Variants in SEMA7A observed in about 807,000 individuals in gnomAD.
SEMA7A encodes semaphorin 7A (JohnMiltonHagen blood group).
In SEMA7A, 21 loss-of-function variants were observed where a neutral mutation model predicts 67.5. That is an observed-to-expected ratio of 0.31 (90% CI 0.22 to 0.45). The LOEUF is 0.45. Ranked by LOEUF, SEMA7A falls within the 20% of genes least tolerant of loss-of-function variation. The pLI is 1.00. For synonymous variants in SEMA7A, 364 were observed against 368.5 expected, an observed-to-expected ratio of 0.99 and a Z score of 0.14; for missense variants, 774 against 908.6, an observed-to-expected ratio of 0.85 and a Z score of 1.90.
Position 74,410,693 on chromosome 15 carries a change from G to C in SEMA7A, c.1932C>G (p.Ala644=), listed in dbSNP as rs1487403546. 1 of 1,613,322 alleles carries C rather than the reference G, an allele frequency of 6.2e-7. No homozygotes were observed. The highest frequency in any genetic ancestry group is 1.3e-5 in the African/African-American group (1 of 74,956). The change falls in exon 14 of 14, where the codon GCC becomes GCG. Residue 644 remains alanine (A), a synonymous_variant. Coordinates refer to ENST00000261918, the MANE Select transcript of SEMA7A (RefSeq NM_003612.5). The surrounding 1 kb of genome is among the most constrained non-coding windows in gnomAD (Gnocchi z 7.5). ...GIMAEHLLGH[A]CALAASLWLG... ...GCCAGAGGGAGGCGGCCAGGGCACAGGCATGACCCAGCAGGTGCTCGGCCA... is the reference window on the plus strand; with the variant it reads ...GCCAGAGGGAGGCGGCCAGGGCACACGCATGACCCAGCAGGTGCTCGGCCA...
In SEMA7A at chr15:74,414,308, C is replaced by G. The variant is rs1456004361; in HGVS notation, c.1294+239G>C. Among the ~76,000 whole-genome samples, 3 of 152,142 alleles carry G rather than the reference C, an allele frequency of 2.0e-5. No homozygotes were observed. Among genetic ancestry groups the G allele is most frequent in the Non-Finnish European group, 4.4e-5 (3 of 68,026 alleles). On this transcript the variant is annotated intron_variant, in intron 10 of 13. Transcript: ENST00000261918. The surrounding 1 kb of genome is among the most constrained non-coding windows in gnomAD (Gnocchi z 4.1). ...TTTGCTCAGACTCTCCAGATTTCCG[C>G]CTCCAAATCCCAGTGCTTGCTTTTC...
intron 6 of SEMA7A, 105 bp from the exon 7 acceptor site, chr15:74,416,819 G>T: frequency 7.7e-7 from 1 of 1,291,558 alleles, no homozygotes; most frequent in Non-Finnish European, 1.1e-6. Flanking sequence ...ACAAACCATG[G>T]CAAATCAGAT....
chr15:74,412,038 T>TGG (rs772530695), intron 10 of SEMA7A, 26 bp from the exon 11 acceptor site: 5 of 1,610,644 alleles, frequency 3.1e-6, no homozygotes, highest in Non-Finnish European at 4.2e-6. Flanking sequence ...AGAGGGTCAG[T>TGG]GGGCGGGAGT....
Position 74,419,056 on chromosome 15 carries a change from G to A in SEMA7A, c.179-104C>T, listed in dbSNP as rs28362908. 503 of 1,329,770 alleles carry A rather than the reference G, an allele frequency of 3.8e-4. 4 individuals are homozygous for A. The African/African-American group carries it at 5.1e-3, about 13-fold the overall frequency. 82.4% of individuals were successfully genotyped at this position (1,329,770 alleles called of 1,614,324 possible). A position where few individuals can be genotyped will look rare whatever the true frequency, so the allele number is the denominator to read the frequency against. ...CTGGAACCAGTGCTTGGTGCTCAGG[G>A]TCCTGGCAGGGCGTCAGACAAGCTC... On this transcript the variant is annotated intron_variant, in intron 1 of 13. Transcript: ENST00000261918.
At position 74,419,012 on chromosome 15, in the gene SEMA7A, G is replaced by C. The variant is rs367579833; in HGVS notation, c.179-60C>G. 7 of 1,573,078 alleles carry C rather than the reference G, an allele frequency of 4.4e-6. No homozygotes were observed. In the African/African-American group the frequency reaches 9.4e-5, roughly 21 times the overall value. On this transcript the variant is annotated intron_variant, in intron 1 of 13. Coordinates refer to ENST00000261918, the MANE Select transcript of SEMA7A (RefSeq NM_003612.5). ...CAGGTCCCGAGAGAGAAGACTCTGG[G>C]TCCCCTCCACATGGCACACTGGAAC...
chr15:74,414,026 C>G lies in SEMA7A; in HGVS notation c.1294+521G>C, dbSNP rs941615056. Among the ~76,000 whole-genome samples, 4 of 152,242 alleles carry G rather than the reference C, an allele frequency of 2.6e-5. No homozygotes were observed. Among genetic ancestry groups the G allele is most frequent in the African/African-American group, 9.6e-5 (4 of 41,460 alleles). ...GGCCTACTCCAGGGAAGAAGAGAAG[C>G]TGCCCCTGTCCTCTGTGAGATGGCA... On this transcript the variant is annotated intron_variant, in intron 10 of 13. Transcript: ENST00000261918. The surrounding 1 kb of genome is among the most constrained non-coding windows in gnomAD (Gnocchi z 4.1).
chr15:74,425,982 C>T (rs2061040779), intron 1 of SEMA7A, among the ~76,000 whole-genome samples: 1 of 152,188 alleles, frequency 6.6e-6, no homozygotes, highest in Non-Finnish European at 1.5e-5. Context: ...AATTAAAACT[C>T]CCCATGGAGG....
chr15:74,418,802 G>C lies in SEMA7A; in HGVS notation c.329C>G (p.Thr110Arg), dbSNP rs200106474. 1 of 1,613,504 alleles carries C rather than the reference G, an allele frequency of 6.2e-7. No homozygotes were observed. The highest frequency in any genetic ancestry group is 8.5e-7 in the Non-Finnish European group (1 of 1,179,814). Residue 110 changes from threonine (T) to arginine (R), a missense_variant and splice_region_variant, in exon 2 of 14, where the codon ACG becomes AGG. Physicochemically the swap from Thr to Arg is moderately conservative, Grantham distance 71. Around this residue, in one of 2 missense-constraint regions of SEMA7A, gnomAD observed 347 missense variants for 353.2 expected, o/e 0.98. Coordinates refer to ENST00000261918, the MANE Select transcript of SEMA7A (RefSeq NM_003612.5). ...TGTTGGGGGAAGAGAGAGGCTCACC[G>C]TGCGCACAGATGCGTTCTTGCCCTC... Reference protein sequence around the residue: ...FPEGKNASVRTVNIGSTKGSC... With the variant: ...FPEGKNASVRRVNIGSTKGSC...
chr15:74,417,850 C>T, intron 4 of SEMA7A, 27 bp downstream of exon 4: 1 of 1,611,482 alleles, frequency 6.2e-7, no homozygotes, highest in South Asian at 1.1e-5. Flanking sequence ...GTGAGCTGAT[C>T]AGGCACATGG....
intron 1 of SEMA7A, 80 bp downstream of exon 1, chr15:74,433,661 C>T (rs1172481965): frequency 1.5e-6 from 2 of 1,328,304 alleles, no homozygotes; most frequent in African/African-American, 1.6e-5. Context: ...CGCACGCACT[C>T]CCTCCGGGTG....
Position 74,411,726 on chromosome 15 carries a change from G to T in SEMA7A, c.1423-16C>A. 1 of 1,611,904 alleles carries T rather than the reference G, an allele frequency of 6.2e-7. No homozygotes were observed. The highest frequency in any genetic ancestry group is 1.1e-5 in the South Asian group (1 of 91,034). ...ACAGCTTCCTCTGGAAGGACAGCAG[G>T]ATTGGGTCAGGCCCGGGCCCCACCC... On this transcript the variant is annotated splice_polypyrimidine_tract_variant and intron_variant, in intron 11 of 13. Transcript: ENST00000261918. The surrounding 1 kb of genome is among the most constrained non-coding windows in gnomAD (Gnocchi z 4.4).
intron 1 of SEMA7A, among the ~76,000 whole-genome samples, chr15:74,420,630 G>A (rs1425231577): frequency 2.0e-5 from 3 of 152,170 alleles, no homozygotes; most frequent in South Asian, 2.1e-4. Context: ...AGAGCTGGCA[G>A]GTCTTGGGTG....
intron 1 of SEMA7A, among the ~76,000 whole-genome samples, chr15:74,433,331 G>C (rs554960909): frequency 6.6e-6 from 1 of 151,542 alleles, no homozygotes; most frequent in Non-Finnish European, 1.5e-5. Context: ...CGCCAGCAGA[G>C]CCCGCAGCTC....
chr15:74,420,799 C>G (rs1049917273), intron 1 of SEMA7A, among the ~76,000 whole-genome samples: 4 of 152,320 alleles, frequency 2.6e-5, no homozygotes, highest in African/African-American at 9.6e-5. Flanking sequence ...GTCTGCCGCC[C>G]CAACTCCCCT....
At chr15:74,430,528 A>G (rs890582024) in intron 1 of SEMA7A, among the ~76,000 whole-genome samples, 2 of 152,164 alleles carry the variant, frequency 1.3e-5, no homozygotes, top group African/African-American at 2.4e-5. Context: ...TCTCTCCCCT[A>G]TACCATGGTC....
At chr15:74,418,655 C>A in intron 2 of SEMA7A, 146 bp downstream of exon 2, 1 of 897,318 alleles carries the variant, frequency 1.1e-6, no homozygotes, top group South Asian at 1.7e-5. Context: ...CTTTAGGGAG[C>A]CTCCCCCAGG....
In SEMA7A at chr15:74,423,424, G is replaced by A. The variant is rs372438997; in HGVS notation, c.179-4472C>T. On this transcript the variant is annotated intron_variant, in intron 1 of 13. Transcript: ENST00000261918. The surrounding 1 kb of genome is among the most constrained non-coding windows in gnomAD (Gnocchi z 4.1). ...CAGAGGCCAGAGAGGCTGTACCACC[G>A]GCCCAAGGACACAGAGCGAGGGAAG... Among the ~76,000 whole-genome samples, 20 of 152,214 alleles carry A rather than the reference G, an allele frequency of 1.3e-4. No homozygotes were observed. The East Asian group carries it at 1.9e-3, about 15-fold the overall frequency.
intron 2 of SEMA7A, 67 bp downstream of exon 2, chr15:74,418,734 G>A: frequency 1.9e-6 from 3 of 1,553,674 alleles, no homozygotes; most frequent in Non-Finnish European, 2.6e-6. Context: ...ATTCCCTGAG[G>A]ACCCTTGGCA....
chr15:74,411,365 G>A lies in SEMA7A; in HGVS notation c.1578-9C>T, dbSNP rs775854721. On this transcript the variant is annotated splice_polypyrimidine_tract_variant and intron_variant, in intron 12 of 13. Coordinates refer to ENST00000261918, the MANE Select transcript of SEMA7A (RefSeq NM_003612.5). This position sits in a 1 kb window ranked among gnomAD's most constrained non-coding sequence, Gnocchi z 4.4. The stretch of plus-strand genomic sequence containing the variant: ...TGGATTGCAGCACTGACCTGGAGTG[G>A]GAAGGACGAAAGAGGATCAGCAGAT... 7 of 1,613,762 alleles carry A rather than the reference G, an allele frequency of 4.3e-6. No homozygotes were observed. The highest frequency in any genetic ancestry group is 5.1e-6 in the Non-Finnish European group (6 of 1,179,818).
Sources: allele counts gnomAD v4.1 joint callset (sites outside exome capture counted in the v4.1 genomes callset), GRCh38; gene constraint gnomAD v4.1.1; regional missense constraint gnomAD v4.1.1; non-coding constraint Gnocchi (gnomAD v3.1); transcripts MANE v1.5; gene names NCBI Gene and HGNC (gene_info 2026-07-23, HGNC 2026-07-21).